The following TNRC6B variants were observed in gnomAD, a reference collection of about 807,000 sequenced individuals.
The protein encoded by TNRC6B is trinucleotide repeat containing adaptor 6B.
Under a neutral mutation model 203.6 loss-of-function variants are expected in TNRC6B, and 52 were observed. The ratio of observed to expected loss-of-function variants is 0.26; its 90% CI spans 0.20 to 0.32. The LOEUF (loss-of-function observed/expected upper bound fraction) is 0.32. Ranked by LOEUF, TNRC6B falls within the 10% of genes least tolerant of loss-of-function variation. The pLI is 1.00. For synonymous variants in TNRC6B, 838 were observed against 845.7 expected (o/e 0.99, Z 0.16); for missense variants, 1,923 against 2,286.2 (o/e 0.84, Z 3.24).
Position 40,273,511 on chromosome 22 carries a change from G to A in TNRC6B, c.3052G>A (p.Gly1018Arg). Residue 1018 changes from glycine (G) to arginine (R), a missense_variant, in exon 7 of 23, where the codon GGA becomes AGA. Gly to Arg is a moderately radical substitution (Grantham distance 125). Transcript: ENST00000454349. ...RHPSWEEEED[G>R]GVWNTTGSQG... ...TCCCAGCTGGGAAGAGGAGGAGGATGGAGGAGTCTGGAACACCACTGGCTC... is the reference window on the plus strand; with the variant it reads ...TCCCAGCTGGGAAGAGGAGGAGGATAGAGGAGTCTGGAACACCACTGGCTC... 6.2e-7 allele frequency: 1 copy of A among 1,600,818 alleles called. No individual in the cohort carries two copies. The highest frequency in any genetic ancestry group is 8.5e-7 in the Non-Finnish European group (1 of 1,173,508).
intron 1 of TNRC6B, among the ~76,000 whole-genome samples, chr22:40,058,172 C>G (rs904763162): frequency 6.6e-6 from 1 of 152,090 alleles, no homozygotes; most frequent in African/African-American, 2.4e-5. Flanking sequence ...CTTTTTATGC[C>G]CCATACCCCA....
chr22:40,211,024 ACT>A (rs1263966919), intron 1 of TNRC6B, among the ~76,000 whole-genome samples: 1 of 151,902 alleles, frequency 6.6e-6, no homozygotes, highest in Non-Finnish European at 1.5e-5. Flanking sequence ...ACTGTCTTAC[ACT>A]CTTCTTTTTC....
chr22:40,161,906 A>G (rs1320764391), intron 4 of TNRC6B, among the ~76,000 whole-genome samples: 1 of 152,178 alleles, frequency 6.6e-6, no homozygotes, highest in African/African-American at 2.4e-5. Flanking sequence ...TGCAGGAGTA[A>G]ATATTAAAAC....
At chr22:40,318,495 C>T (rs1285535252) in intron 21 of TNRC6B, among the ~76,000 whole-genome samples, 2 of 151,846 alleles carry the variant, frequency 1.3e-5, no homozygotes, top group African/African-American at 4.8e-5. Flanking sequence ...TGGAGTGAGC[C>T]GAGATTGCGC....
intron 3 of TNRC6B, among the ~76,000 whole-genome samples, chr22:40,140,646 T>G (rs1474157433): frequency 1.3e-5 from 2 of 152,164 alleles, no homozygotes; most frequent in African/African-American, 4.8e-5. Context: ...TTTTCTATCT[T>G]ATTCCTTTTT....
intron 2 of TNRC6B, among the ~76,000 whole-genome samples, chr22:40,123,714 T>C (rs2068464070): frequency 6.6e-6 from 1 of 152,146 alleles, no homozygotes; most frequent in South Asian, 2.1e-4. Flanking sequence ...CTGGTTCAGC[T>C]ATGCCTATAA....
chr22:40,061,806 G>A (rs1437901224), intron 1 of TNRC6B, among the ~76,000 whole-genome samples: 1 of 151,964 alleles, frequency 6.6e-6, no homozygotes, highest in Non-Finnish European at 1.5e-5. Context: ...GGGCACGGTG[G>A]CTCACACCTG....
rs1318893393 is a variant in TNRC6B, at chr22:40,329,877, C to T, written c.*6636C>T. On this transcript the variant is annotated 3_prime_UTR_variant, in exon 23 of 23. Coordinates refer to ENST00000454349, the MANE Select transcript of TNRC6B (RefSeq NM_001162501.2). ...GTTCCCTTTTCAGTTAGCTATATAC[C>T]TGAATTTGTTTTTAACAAGAAACTG... 6.6e-6 allele frequency: 1 copy of T among 152,188 alleles called. No individual in the cohort carries two copies. Among genetic ancestry groups the T allele is most frequent in the African/African-American group, 2.4e-5 (1 of 41,442 alleles). The allele number at this position is 152,188 out of a possible 1,614,324, so 9.4% of individuals were successfully genotyped here.
intron 4 of TNRC6B, among the ~76,000 whole-genome samples, chr22:40,169,843 C>T (rs745536418): frequency 2.0e-5 from 3 of 152,062 alleles, no homozygotes; most frequent in East Asian, 1.9e-4. Flanking sequence ...ATATTAAATA[C>T]GTAGACATAT....
At position 40,335,475 on chromosome 22, in the gene TNRC6B, TTCAAAAAAAAAAAAAAAAGTATCAAAA is replaced by T. The variant is rs1025162533; in HGVS notation, c.*12235_*12261del. Reference sequence around the variant, plus strand: ...AGGTACTGTATTTCTCATGCTGGATTTCAAAAAAAAAAAAAAAAGTATCAAAAACAAAAAAAACTAAAGGGTGGTGTT... The same window carrying T: ...AGGTACTGTATTTCTCATGCTGGATTACAAAAAAAACTAAAGGGTGGTGTT... On this transcript the variant is annotated 3_prime_UTR_variant, in exon 23 of 23. Coordinates refer to ENST00000454349, the MANE Select transcript of TNRC6B (RefSeq NM_001162501.2). The T allele has an allele frequency of 7.5e-5, 11 of 146,744 alleles. No homozygotes were observed. The highest frequency in any genetic ancestry group is 6.7e-4 in the Admixed American group (10 of 14,868). 9.1% of individuals were successfully genotyped at this position (146,744 alleles called of 1,614,324 possible). A position where few individuals can be genotyped will look rare whatever the true frequency, so the allele number is the denominator to read the frequency against.
intron 1 of TNRC6B, among the ~76,000 whole-genome samples, chr22:40,216,748 A>G (rs1411909921): frequency 6.6e-6 from 1 of 152,218 alleles, no homozygotes; most frequent in Non-Finnish European, 1.5e-5. Context: ...AGGAGAAAAA[A>G]TCTACTTATT....
At position 40,268,989 on chromosome 22, in the gene TNRC6B, T is replaced by C. The variant is rs1601473520; in HGVS notation, c.2807-1133T>C. On this transcript the variant is annotated intron_variant, in intron 5 of 22. Transcript: ENST00000454349. ...CTTCCCAAAGGTAATCTCTTAGAAG[T>C]TTGTGTCCCATTCAAAAATTTTACA... Among the ~76,000 whole-genome samples, 3 of 151,282 alleles carry C rather than the reference T, an allele frequency of 2.0e-5. No homozygotes were observed. The East Asian group carries it at 5.8e-4, about 29-fold the overall frequency.
intron 19 of TNRC6B, among the ~76,000 whole-genome samples, chr22:40,314,516 A>G (rs990769225): frequency 6.6e-6 from 1 of 152,218 alleles, no homozygotes; most frequent in Non-Finnish European, 1.5e-5. Context: ...CCATACACAG[A>G]GAGTTTATGT....
intron 1 of TNRC6B, among the ~76,000 whole-genome samples, chr22:40,101,814 A>G (rs1462799000): frequency 3.9e-5 from 6 of 152,250 alleles, no homozygotes; most frequent in Non-Finnish European, 7.3e-5. Flanking sequence ...AGATAAATCT[A>G]AAATGAGATT....
chr22:40,046,195 A>G (rs1262358313), intron 1 of TNRC6B, among the ~76,000 whole-genome samples: 3 of 152,238 alleles, frequency 2.0e-5, no homozygotes, highest in Non-Finnish European at 4.4e-5. Flanking sequence ...CAGTAGTATA[A>G]GGTTTCTCTT....
Position 40,265,976 on chromosome 22 carries a change from T to C in TNRC6B, c.1746T>C (p.Ser582=). The C allele has an allele frequency of 6.2e-7, 1 of 1,613,940 alleles. No homozygotes were observed. Among genetic ancestry groups the C allele is most frequent in the Non-Finnish European group, 8.5e-7 (1 of 1,179,892 alleles). The change falls in exon 5 of 23, where the codon AGT becomes AGC. Residue 582 remains serine, a synonymous_variant. Transcript: ENST00000454349. ...QSTGSNHKAG[S]SDSHNSGRRS... ...CTGGAAGCAACCACAAAGCAGGAAG[T>C]AGTGACAGTCATAACTCTGGCCGTC...
At chr22:40,106,944 T>C (rs2068289155) in intron 1 of TNRC6B, 14 of 1,125,532 alleles carry the variant, frequency 1.2e-5, no homozygotes, top group Non-Finnish European at 1.7e-5. Context: ...CTTTGAAGCA[T>C]CTTTTGGGCA....
At chr22:40,125,439 C>CAA (rs2068482152) in intron 2 of TNRC6B, among the ~76,000 whole-genome samples, 1 of 152,188 alleles carries the variant, frequency 6.6e-6, no homozygotes, top group South Asian at 2.1e-4. Flanking sequence ...TACTTTCTTG[C>CAA]AGGTCAGTGT....
At chr22:40,222,505 G>T (rs902934259) in intron 1 of TNRC6B, among the ~76,000 whole-genome samples, 1 of 152,062 alleles carries the variant, frequency 6.6e-6, no homozygotes, top group African/African-American at 2.4e-5. Context: ...AGCCTAAGGT[G>T]GCCTTTCTTC....
Sources: allele counts gnomAD v4.1 joint callset (sites outside exome capture counted in the v4.1 genomes callset), GRCh38; gene constraint gnomAD v4.1.1; transcripts MANE v1.5; gene names NCBI Gene and HGNC (gene_info 2026-07-23, HGNC 2026-07-21).